MCOLN2: variants seen among roughly 807,000 people sequenced by gnomAD.
MCOLN2 encodes the protein mucolipin TRP cation channel 2, also known as mucolipin-2.
Under a neutral mutation model 67.5 loss-of-function variants are expected in MCOLN2, and 57 were observed. The observed-to-expected ratio is 0.84, with a 90% CI of 0.68 to 1.05. MCOLN2 has a LOEUF of 1.05. Among genes scored for constraint, MCOLN2 ranks in the 50% least tolerant of loss-of-function variants. MCOLN2 has a pLI of 0.00. For missense variants in MCOLN2, 620 were observed against 678.8 expected, an observed-to-expected ratio of 0.91 and a Z score of 0.96; for synonymous variants, 246 against 233.3, an observed-to-expected ratio of 1.05 and a Z score of -0.50.
intron 4 of MCOLN2, among the ~76,000 whole-genome samples, chr1:84,955,134 G>T (rs1279609017): frequency 1.3e-5 from 2 of 152,122 alleles, no homozygotes; most frequent in Non-Finnish European, 2.9e-5. Context: ...TTCTCACTTT[G>T]CTCTGCACTT....
intron 6 of MCOLN2, among the ~76,000 whole-genome samples, chr1:84,949,926 A>G (rs972325196): frequency 7.9e-5 from 12 of 152,240 alleles, no homozygotes; most frequent in Admixed American, 5.2e-4. Flanking sequence ...CTTTCAAGAA[A>G]TGCTTGAGGG....
At chr1:84,981,174 T>G (rs989953006) in intron 1 of MCOLN2, among the ~76,000 whole-genome samples, 1 of 152,066 alleles carries the variant, frequency 6.6e-6, no homozygotes, top group Admixed American at 6.5e-5. Flanking sequence ...GTGAGGATGT[T>G]GAGAAAAGGG....
rs569506991 is a variant in MCOLN2 at position 84,983,676 on chromosome 1, C to CTT, written c.77+13118_77+13119dup. Among the ~76,000 whole-genome samples, 369 of 129,856 alleles carry CTT rather than the reference C, an allele frequency of 2.8e-3. 4 individuals are homozygous for CTT. Among genetic ancestry groups the CTT allele is most frequent in the African/African-American group, 9.6e-3 (332 of 34,604 alleles). 85.2% of individuals were successfully genotyped at this position (129,856 alleles called of 152,430 possible). ...TTAAAAGTCATTTACTTTAAAATTTCTTTTTTTTTTTTTTTTTTGAGACAG... is the reference window on the plus strand; with the variant it reads ...TTAAAAGTCATTTACTTTAAAATTTCTTTTTTTTTTTTTTTTTTTTGAGACAG... On this transcript the variant is annotated intron_variant, in intron 1 of 13. Transcript: ENST00000370608.
chr1:84,935,556 T>C (rs543272811), intron 11 of MCOLN2, among the ~76,000 whole-genome samples: 71 of 152,276 alleles, frequency 4.7e-4, no homozygotes, highest in African/African-American at 1.6e-3. Flanking sequence ...AAAAGACTAG[T>C]ATGGAGGAAT....
Position 84,938,073 on chromosome 1 carries a change from TTG to T in MCOLN2, c.1118_1119del (p.Thr373LysfsTer3). ...AGAAAAATGCTGCAGAGATCATAGT[TTG>T]TGAGATTCTAAGGAATGAAAAAAAA... ...LKMEIKAKNL[T>X]NYDLCSIFLG... On this transcript the variant is annotated frameshift_variant, in exon 10 of 14. Transcript: ENST00000370608. LOFTEE classifies it high-confidence loss of function. 6.2e-7 allele frequency: 1 copy of T among 1,610,530 alleles called. No homozygotes were observed. The highest frequency in any genetic ancestry group is 8.5e-7 in the Non-Finnish European group (1 of 1,178,418).
At chr1:84,949,012 C>T (rs192126755) in intron 6 of MCOLN2, among the ~76,000 whole-genome samples, 7 of 152,254 alleles carry the variant, frequency 4.6e-5, no homozygotes, top group Non-Finnish European at 8.8e-5. Context: ...TGCCTGCAAT[C>T]CCAGCCACTG....
intron 13 of MCOLN2, among the ~76,000 whole-genome samples, chr1:84,929,022 CT>C (rs1466102811): frequency 2.0e-5 from 3 of 152,264 alleles, no homozygotes; most frequent in Non-Finnish European, 4.4e-5. Flanking sequence ...ATGTAATATG[CT>C]TTGTCCACTG....
intron 1 of MCOLN2, among the ~76,000 whole-genome samples, chr1:84,991,678 T>C (rs10782535): frequency 0.92 from 140,739 of 152,192 alleles, 65,711 homozygotes; most frequent in East Asian, 1. Context: ...TCAGGAGTTT[T>C]CCTACAGACA....
chr1:84,952,970 A>G (rs569628668), intron 4 of MCOLN2, among the ~76,000 whole-genome samples: 4 of 152,386 alleles, frequency 2.6e-5, no homozygotes, highest in Non-Finnish European at 5.9e-5. Flanking sequence ...ACATAACATG[A>G]CAACTAAATG....
intron 2 of MCOLN2, among the ~76,000 whole-genome samples, chr1:84,962,810 C>A (rs1315633614): frequency 6.6e-6 from 1 of 152,184 alleles, no homozygotes; most frequent in Non-Finnish European, 1.5e-5. Flanking sequence ...GACTGGAACT[C>A]TTTGAATTCC....
At chr1:84,992,594 G>A (rs754795449) in intron 1 of MCOLN2, among the ~76,000 whole-genome samples, 1 of 152,182 alleles carries the variant, frequency 6.6e-6, no homozygotes, top group Non-Finnish European at 1.5e-5. Context: ...TAAAATTACA[G>A]GCACACCTCA....
chr1:84,931,664 T>G (rs372347505), intron 11 of MCOLN2, 96 bp from the exon 12 acceptor site: 2 of 1,006,386 alleles, frequency 2.0e-6, no homozygotes, highest in South Asian at 1.4e-5. Context: ...TTTTTGTCAT[T>G]GTAGTAGTGG....
intron 1 of MCOLN2, among the ~76,000 whole-genome samples, chr1:84,974,642 G>T (rs1327024490): frequency 6.6e-6 from 1 of 152,036 alleles, no homozygotes; most frequent in Non-Finnish European, 1.5e-5. Flanking sequence ...CGATACCCAG[G>T]TACTACATCT....
chr1:84,969,220 T>A (rs1481934984), intron 1 of MCOLN2, among the ~76,000 whole-genome samples: 1 of 152,114 alleles, frequency 6.6e-6, no homozygotes, highest in Non-Finnish European at 1.5e-5. Flanking sequence ...CCCTAGCAAA[T>A]CATTCAAACC....
intron 11 of MCOLN2, among the ~76,000 whole-genome samples, chr1:84,936,584 T>C (rs1321484793): frequency 6.6e-6 from 1 of 152,186 alleles, no homozygotes; most frequent in Non-Finnish European, 1.5e-5. Context: ...AGCAATATTA[T>C]CAAGATTTAC....
intron 11 of MCOLN2, among the ~76,000 whole-genome samples, chr1:84,935,800 T>G (rs1451744392): frequency 6.6e-6 from 1 of 152,122 alleles, no homozygotes; most frequent in Non-Finnish European, 1.5e-5. Context: ...AAGGACAAAT[T>G]GAACATATGG....
At chr1:84,992,444 C>A in intron 1 of MCOLN2, among the ~76,000 whole-genome samples, 1 of 152,076 alleles carries the variant, frequency 6.6e-6, no homozygotes. Flanking sequence ...GAAAGCTCAG[C>A]TATAGGCAGG....
At chr1:84,962,995 T>A (rs1649174727) in intron 2 of MCOLN2, among the ~76,000 whole-genome samples, 1 of 152,178 alleles carries the variant, frequency 6.6e-6, no homozygotes, top group Non-Finnish European at 1.5e-5. Context: ...AATTAACTTA[T>A]CTATATTCCA....
At chr1:84,956,213 C>G (rs1478340747) in intron 4 of MCOLN2, among the ~76,000 whole-genome samples, 1 of 152,058 alleles carries the variant, frequency 6.6e-6, no homozygotes, top group Non-Finnish European at 1.5e-5. Flanking sequence ...TCTTGAGTTG[C>G]TCCAAACAGA....
Sources: allele counts gnomAD v4.1 joint callset (sites outside exome capture counted in the v4.1 genomes callset), GRCh38; gene constraint gnomAD v4.1.1; transcripts MANE v1.5; gene names NCBI Gene and HGNC (gene_info 2026-07-23, HGNC 2026-07-21).